The following TAFA1 variants were observed in gnomAD, a reference collection of about 807,000 sequenced individuals.
The protein encoded by TAFA1 is TAFA chemokine like family member 1, also known as chemokine-like protein TAFA-1.
In TAFA1, 4 loss-of-function variants were observed where a neutral mutation model predicts 18.5. The observed-to-expected ratio is 0.22, with a 90% CI of 0.11 to 0.49. The LOEUF (loss-of-function observed/expected upper bound fraction) is 0.49, where lower values mean the gene tolerates loss of function less well. TAFA1 is among the 20% of genes least tolerant of loss of function. The pLI is 0.98. For synonymous variants in TAFA1, 56 were observed against 55.2 expected, an observed-to-expected ratio of 1.01 and a Z score of -0.06; for missense variants, 147 against 169.0, an observed-to-expected ratio of 0.87 and a Z score of 0.72.
At chr3:68,174,560 G>A (rs1250284778) in intron 2 of TAFA1, among the ~76,000 whole-genome samples, 3 of 152,292 alleles carry the variant, frequency 2.0e-5, no homozygotes, top group African/African-American at 7.2e-5. Context: ...GCAGCATTTT[G>A]CCCCTGCCCT....
chr3:68,187,630 T>C (rs1208111925), intron 2 of TAFA1, among the ~76,000 whole-genome samples: 1 of 152,052 alleles, frequency 6.6e-6, no homozygotes, highest in Non-Finnish European at 1.5e-5. Context: ...AACTTTCTTA[T>C]ATGTGTTTTG....
intron 3 of TAFA1, among the ~76,000 whole-genome samples, chr3:68,425,008 T>A (rs142543362): frequency 5.5e-4 from 83 of 152,096 alleles, no homozygotes; most frequent in African/African-American, 1.9e-3. Context: ...TAGCTAAGTG[T>A]TGCCTAAGAC....
chr3:68,262,100 A>G (rs927147297), intron 2 of TAFA1, among the ~76,000 whole-genome samples: 2 of 151,230 alleles, frequency 1.3e-5, no homozygotes, highest in African/African-American at 2.4e-5. Context: ...TCTCTGCTCA[A>G]TCTCCAAGTG....
At chr3:68,124,318 G>C (rs756354759) in intron 2 of TAFA1, among the ~76,000 whole-genome samples, 2 of 152,126 alleles carry the variant, frequency 1.3e-5, no homozygotes, top group Non-Finnish European at 2.9e-5. Context: ...TTGTCACTCT[G>C]TACTTTCTGA....
intron 2 of TAFA1, among the ~76,000 whole-genome samples, chr3:68,139,855 T>C (rs1264176990): frequency 6.6e-6 from 1 of 152,208 alleles, no homozygotes; most frequent in East Asian, 1.9e-4. Context: ...GAGTACAAGT[T>C]GTTTATTATT....
At chr3:68,237,968 T>G (rs2107130078) in intron 2 of TAFA1, among the ~76,000 whole-genome samples, 1 of 152,238 alleles carries the variant, frequency 6.6e-6, no homozygotes, top group South Asian at 2.1e-4. Context: ...CTCCTTGCTT[T>G]TGGTCATTTG....
chr3:68,497,053 G>A (rs1243755984), intron 3 of TAFA1, among the ~76,000 whole-genome samples: 1 of 152,130 alleles, frequency 6.6e-6, no homozygotes, highest in Admixed American at 6.5e-5. Flanking sequence ...TTGGTACAGT[G>A]CTTAGAATGA....
At chr3:68,135,085 T>C (rs1219054646) in intron 2 of TAFA1, among the ~76,000 whole-genome samples, 5 of 152,140 alleles carry the variant, frequency 3.3e-5, no homozygotes. Context: ...GTGTTCCAGA[T>C]TGGAAGAACA....
chr3:68,374,342 G>C (rs1159500847), intron 2 of TAFA1, among the ~76,000 whole-genome samples: 4 of 152,168 alleles, frequency 2.6e-5, no homozygotes, highest in Non-Finnish European at 5.9e-5. Context: ...GGATGGAGCA[G>C]AGCTGAAAAG....
intron 2 of TAFA1, among the ~76,000 whole-genome samples, chr3:68,172,535 T>C (rs959420377): frequency 6.6e-5 from 10 of 152,136 alleles, no homozygotes; most frequent in Non-Finnish European, 7.4e-5. Flanking sequence ...GATCCAGAGA[T>C]TCCACTGCTA....
intron 2 of TAFA1, among the ~76,000 whole-genome samples, chr3:68,084,299 G>T (rs1423429135): frequency 2.0e-5 from 3 of 152,110 alleles, no homozygotes; most frequent in East Asian, 1.9e-4. Flanking sequence ...GAAGAATTTT[G>T]TTCACATCCA....
chr3:68,419,796 G>T (rs1278827404), intron 3 of TAFA1, among the ~76,000 whole-genome samples: 1 of 152,144 alleles, frequency 6.6e-6, no homozygotes, highest in African/African-American at 2.4e-5. Context: ...ACTCAAGCTA[G>T]GCTAAGTAAA....
intron 3 of TAFA1, among the ~76,000 whole-genome samples, chr3:68,429,912 T>C (rs561356629): frequency 6.6e-6 from 1 of 152,048 alleles, no homozygotes; most frequent in African/African-American, 2.4e-5. Context: ...TACTATAATC[T>C]TTGTTGACTT....
intron 2 of TAFA1, among the ~76,000 whole-genome samples, chr3:68,249,788 AG>A (rs1488331736): frequency 1.3e-5 from 2 of 152,170 alleles, no homozygotes; most frequent in African/African-American, 4.8e-5. Flanking sequence ...CTAAAAGTAG[AG>A]AAGGCACACC....
At chr3:68,439,630 T>A (rs1291252788) in intron 3 of TAFA1, among the ~76,000 whole-genome samples, 1 of 151,648 alleles carries the variant, frequency 6.6e-6, no homozygotes, top group East Asian at 1.9e-4. Context: ...TCTAGTCTTC[T>A]CAGGTTCTTC....
chr3:68,245,121 T>C (rs770038251), intron 2 of TAFA1, among the ~76,000 whole-genome samples: 1 of 152,226 alleles, frequency 6.6e-6, no homozygotes, highest in East Asian at 1.9e-4. Context: ...AGCTGGAGGT[T>C]TGGAGACTGG....
intron 2 of TAFA1, among the ~76,000 whole-genome samples, chr3:68,028,748 A>T (rs6763754): frequency 0.8 from 117,877 of 146,902 alleles, 46,284 homozygotes; most frequent in South Asian, 0.89. Flanking sequence ...CTTTTTTTTT[A>T]AAATTTTTTT....
In TAFA1 at chr3:68,004,437, A is replaced by G. The variant is rs996922623; in HGVS notation, c.-269A>G. 1 of 152,164 alleles carries G rather than the reference A, an allele frequency of 6.6e-6. No individual in the cohort carries two copies. The highest frequency in any genetic ancestry group is 1.5e-5 in the Non-Finnish European group (1 of 68,026). The allele number at this position is 152,164 out of a possible 1,614,324, so 9.4% of individuals were successfully genotyped here. On this transcript the variant is annotated 5_prime_UTR_variant, in exon 1 of 5. It removes the in-frame stop codon of an upstream open reading frame in the 5' UTR. Coordinates refer to ENST00000478136, the MANE Select transcript of TAFA1 (RefSeq NM_213609.4). ...CAGAGGTGACGCCAGGAGATGATTT[A>G]AAGGTGAAAATGACAAGGTTTCCAC...
At chr3:68,381,722 AC>A (rs1263954854) in intron 2 of TAFA1, among the ~76,000 whole-genome samples, 5 of 152,250 alleles carry the variant, frequency 3.3e-5, no homozygotes, top group African/African-American at 1.2e-4. Flanking sequence ...GCAAACAGGG[AC>A]AATTTGACTT....
Sources: allele counts gnomAD v4.1 joint callset (sites outside exome capture counted in the v4.1 genomes callset), GRCh38; gene constraint gnomAD v4.1.1; transcripts MANE v1.5; gene names NCBI Gene and HGNC (gene_info 2026-07-23, HGNC 2026-07-21).